The following UCHL3 variants were observed in gnomAD, a reference collection of about 807,000 sequenced individuals.
UCHL3 encodes ubiquitin carboxyl-terminal hydrolase isozyme L3.
Under a neutral mutation model 35.8 loss-of-function variants are expected in UCHL3, and 22 were observed. The observed-to-expected ratio is 0.61, with a 90% CI of 0.44 to 0.88. The LOEUF is 0.88. UCHL3 is among the 40% of genes least tolerant of loss of function. The pLI is 0.00. For synonymous variants in UCHL3, 90 were observed against 92.8 expected, an observed-to-expected ratio of 0.97 and a Z score of 0.17; for missense variants, 229 against 276.9, an observed-to-expected ratio of 0.83 and a Z score of 1.23.
Position 75,604,758 on chromosome 13 carries a change from G to C in UCHL3, c.551-11G>C. On this transcript the variant is annotated splice_polypyrimidine_tract_variant and intron_variant, in intron 7 of 8. Coordinates refer to ENST00000377595, the MANE Select transcript of UCHL3 (RefSeq NM_006002.5). ...CAGCTAAGCATTCAATTGTTTGTCT[G>C]TTTTCCACAGATGGGCGGAAGCCAT... 11 of 1,593,194 alleles carry C rather than the reference G, an allele frequency of 6.9e-6. No individual in the cohort carries two copies. Among genetic ancestry groups the C allele is most frequent in the Non-Finnish European group, 9.4e-6 (11 of 1,170,344 alleles).
At chr13:75,579,829 G>A (rs12872420) in intron 6 of UCHL3, among the ~76,000 whole-genome samples, 1 of 152,054 alleles carries the variant, frequency 6.6e-6, no homozygotes, top group South Asian at 2.1e-4. Context: ...GTAATGTTAG[G>A]ATATAAGATT....
chr13:75,550,604 G>A (rs1212631518), intron 2 of UCHL3, among the ~76,000 whole-genome samples: 1 of 152,098 alleles, frequency 6.6e-6, no homozygotes. Context: ...AGTTCCTTCT[G>A]GGTGTTGGAG....
chr13:75,591,680 T>G (rs145345649), intron 6 of UCHL3, among the ~76,000 whole-genome samples: 85 of 152,320 alleles, frequency 5.6e-4, no homozygotes, highest in African/African-American at 2.0e-3. Flanking sequence ...CTGCTCGGGT[T>G]TGAATCCAGA....
chr13:75,583,293 A>C (rs941102320), intron 6 of UCHL3, among the ~76,000 whole-genome samples: 2 of 152,172 alleles, frequency 1.3e-5, no homozygotes, highest in African/African-American at 4.8e-5. Context: ...ATACAAACAC[A>C]CACACCCACA....
At chr13:75,565,341 T>G (rs1371585023) in intron 3 of UCHL3, among the ~76,000 whole-genome samples, 1 of 152,236 alleles carries the variant, frequency 6.6e-6, no homozygotes, top group Non-Finnish European at 1.5e-5. Flanking sequence ...ATAATGTCCA[T>G]TTATTCTGAT....
chr13:75,550,118 C>A (rs2031029498), intron 2 of UCHL3, 131 bp downstream of exon 2: 2 of 1,436,122 alleles, frequency 1.4e-6, no homozygotes, highest in African/African-American at 1.4e-5. Context: ...TCTTGTTCGG[C>A]TTTACGCGGG....
At chr13:75,592,442 A>ACG (rs1314036442) in intron 6 of UCHL3, among the ~76,000 whole-genome samples, 4 of 112,498 alleles carry the variant, frequency 3.6e-5, no homozygotes, top group Non-Finnish European at 5.5e-5. Flanking sequence ...ATATATATAT[A>ACG]TATATATATA....
At chr13:75,587,942 C>A (rs1338310356) in intron 6 of UCHL3, among the ~76,000 whole-genome samples, 1 of 152,116 alleles carries the variant, frequency 6.6e-6, no homozygotes, top group Non-Finnish European at 1.5e-5. Context: ...TTGCAACCAT[C>A]CACCCTAGCT....
At chr13:75,577,307 C>T (rs998959633) in intron 6 of UCHL3, among the ~76,000 whole-genome samples, 1 of 152,134 alleles carries the variant, frequency 6.6e-6, no homozygotes, top group African/African-American at 2.4e-5. Context: ...TGAATATATA[C>T]AGACTTTTTT....
chr13:75,587,389 T>C (rs2032355786), intron 6 of UCHL3, among the ~76,000 whole-genome samples: 1 of 152,034 alleles, frequency 6.6e-6, no homozygotes, highest in Non-Finnish European at 1.5e-5. Flanking sequence ...ATTACACAAC[T>C]AGATAACTGG....
Position 75,604,838 on chromosome 13 carries a change from C to T in UCHL3, c.609+11C>T, listed in dbSNP as rs369583690. 66 of 1,584,148 alleles carry T rather than the reference C, an allele frequency of 4.2e-5. No individual in the cohort carries two copies. Among genetic ancestry groups the T allele is most frequent in the Non-Finnish European group, 5.1e-5 (59 of 1,165,500 alleles). On this transcript the variant is annotated intron_variant, in intron 8 of 8. Transcript: ENST00000377595. ...GAAACTTTATTAGAGGTAACAGTAACACTTGTTGGCCCATCTTCATCAATA... is the reference window on the plus strand; with the variant it reads ...GAAACTTTATTAGAGGTAACAGTAATACTTGTTGGCCCATCTTCATCAATA...
In UCHL3 at chr13:75,559,030, CTTTTTTTTTTT is replaced by C. The variant is rs34100020; in HGVS notation, c.55-1706_55-1696del. On this transcript the variant is annotated intron_variant, in intron 2 of 8. Coordinates refer to ENST00000377595, the MANE Select transcript of UCHL3 (RefSeq NM_006002.5). ...CCATTGATCTCCTCAGCCCCGGACT[CTTTTTTTTTTT>C]TTTTTTTTTTTTTTTTGAGACGGAG... Among the ~76,000 whole-genome samples, 356 of 64,320 alleles carry C rather than the reference CTTTTTTTTTTT, an allele frequency of 5.5e-3. 4 individuals carry two copies. Among genetic ancestry groups the C allele is most frequent in the African/African-American group, 0.022 (339 of 15,200 alleles). The allele number at this position is 64,320 out of a possible 152,430, so 42.2% of individuals were successfully genotyped here. A position where few individuals can be genotyped will look rare whatever the true frequency, so the allele number is the denominator to read the frequency against.
At chr13:75,595,126 G>T in intron 7 of UCHL3, 136 bp downstream of exon 7, 1 of 664,548 alleles carries the variant, frequency 1.5e-6, no homozygotes, top group Non-Finnish European at 2.4e-6. Context: ...TTGACATAGC[G>T]ACAGTTTTCC....
At chr13:75,590,150 G>A (rs1018997610) in intron 6 of UCHL3, 57 of 1,287,524 alleles carry the variant, frequency 4.4e-5, no homozygotes, top group Admixed American at 1.2e-4. Context: ...TCAATCTTCC[G>A]TCTCTTCTTC....
chr13:75,592,035 A>G (rs1041004409), intron 6 of UCHL3, among the ~76,000 whole-genome samples: 3 of 152,100 alleles, frequency 2.0e-5, no homozygotes, highest in African/African-American at 7.2e-5. Context: ...CAGTATGATG[A>G]TTAATTATTT....
intron 2 of UCHL3, among the ~76,000 whole-genome samples, chr13:75,550,228 G>A (rs1233819619): frequency 6.6e-6 from 1 of 152,168 alleles, no homozygotes; most frequent in African/African-American, 2.4e-5. Flanking sequence ...GTATCTTGGG[G>A]ACTCCGGGTC....
intron 2 of UCHL3, among the ~76,000 whole-genome samples, chr13:75,560,292 C>T (rs527855484): frequency 6.6e-6 from 1 of 152,190 alleles, no homozygotes; most frequent in African/African-American, 2.4e-5. Flanking sequence ...AAACCAAGTG[C>T]TGGAAATGAG....
Position 75,566,827 on chromosome 13 carries a change from A to G in UCHL3, c.316A>G (p.Asn106Asp), listed in dbSNP as rs1369568999. Residue 106 changes from asparagine to aspartate, a missense_variant, in exon 4 of 9, where the codon AAC becomes GAC. By Grantham distance (23) the Asn-to-Asp change is conservative. Coordinates refer to ENST00000377595, the MANE Select transcript of UCHL3 (RefSeq NM_006002.5). ...AATTGGACTGATTCATGCTATTGCA[A>G]ACAATAAAGACAAGATGCACTTTGG... ...GTIGLIHAIA[N>D]NKDKMHFESG... 1 of 1,597,036 alleles carries G rather than the reference A, an allele frequency of 6.3e-7. No individual in the cohort carries two copies. The highest frequency in any genetic ancestry group is 8.5e-7 in the Non-Finnish European group (1 of 1,175,364).
rs756745419 is a variant in UCHL3, at chr13:75,605,718, T to G, written c.610-11T>G. 1 of 1,610,850 alleles carries G rather than the reference T, an allele frequency of 6.2e-7. No individual in the cohort carries two copies. Among genetic ancestry groups the G allele is most frequent in the East Asian group, 2.2e-5 (1 of 44,854 alleles). On this transcript the variant is annotated splice_polypyrimidine_tract_variant and intron_variant, in intron 8 of 8. Coordinates refer to ENST00000377595, the MANE Select transcript of UCHL3 (RefSeq NM_006002.5). ...ACACTGAAAAATCATACTTTTTTTT[T>G]TCCTCCATAGGATGCCATAGAAGTT...
Sources: gnomAD v4.1 joint callset for allele counts (sites outside exome capture counted in the v4.1 genomes callset) on GRCh38, gnomAD v4.1.1 for gene constraint, MANE v1.5 for transcripts, NCBI Gene and HGNC (gene_info 2026-07-23, HGNC 2026-07-21) for gene names.